Variants in SORCS2 observed in about 807,000 individuals in gnomAD.
SORCS2 encodes the protein VPS10 domain-containing receptor SorCS2.
In SORCS2, 100 loss-of-function variants were observed where a neutral mutation model predicts 141.6. That is an observed-to-expected ratio of 0.71 (90% CI 0.60 to 0.83). SORCS2 has a LOEUF of 0.83. Among genes scored for constraint, SORCS2 ranks in the 40% least tolerant of loss-of-function variants. SORCS2 has a pLI of 0.00. For missense variants in SORCS2, 1,646 were observed against 1,560.2 expected (o/e 1.05, Z -0.93); for synonymous variants, 789 against 676.9 (o/e 1.17, Z -2.57).
intron 19 of SORCS2, 95 bp downstream of exon 19, chr4:7,723,978 T>A: frequency 7.2e-7 from 1 of 1,391,382 alleles, no homozygotes; most frequent in Non-Finnish European, 9.5e-7. Context: ...GGGATTGCTC[T>A]AGGCCCCTGG....
chr4:7,403,261 T>C (rs1470124996), intron 2 of SORCS2, among the ~76,000 whole-genome samples: 1 of 152,210 alleles, frequency 6.6e-6, no homozygotes, highest in Non-Finnish European at 1.5e-5. Flanking sequence ...TGTTGGCTGA[T>C]GGGCTTGGGT....
chr4:7,595,936 T>C (rs1427857457), intron 3 of SORCS2, among the ~76,000 whole-genome samples: 1 of 152,164 alleles, frequency 6.6e-6, no homozygotes, highest in Non-Finnish European at 1.5e-5. Flanking sequence ...CCTGGCCCCA[T>C]GGGGAATGGG....
Position 7,193,552 on chromosome 4 carries a change from C to T in SORCS2, c.480+426C>T, listed in dbSNP as rs1209354121. On this transcript the variant is annotated intron_variant, in intron 1 of 26. Coordinates refer to ENST00000507866, the MANE Select transcript of SORCS2 (RefSeq NM_020777.3). This position sits in a 1 kb window ranked among gnomAD's most constrained non-coding sequence, Gnocchi z 4.8. ...GGATTTTGGGCTCCGGGATCCTTCC[C>T]TCCCTGGTCTACCAGGGACTCCGCG... Among the ~76,000 whole-genome samples the T allele has an allele frequency of 1.3e-5, 2 of 152,184 alleles. No homozygotes were observed. The highest frequency in any genetic ancestry group is 2.4e-5 in the African/African-American group (1 of 41,456).
chr4:7,552,154 G>T (rs1713758642), intron 3 of SORCS2, among the ~76,000 whole-genome samples: 2 of 152,150 alleles, frequency 1.3e-5, no homozygotes, highest in Admixed American at 1.3e-4. Flanking sequence ...ACAAAATGTG[G>T]CTCCCTCCCT....
chr4:7,328,538 C>T (rs952995675), intron 1 of SORCS2, among the ~76,000 whole-genome samples: 2 of 152,178 alleles, frequency 1.3e-5, no homozygotes, highest in Admixed American at 6.5e-5. Flanking sequence ...TGCCCAGGTA[C>T]AAGCCCCAGG....
At chr4:7,398,182 T>A (rs1244173720) in intron 2 of SORCS2, among the ~76,000 whole-genome samples, 1 of 152,232 alleles carries the variant, frequency 6.6e-6, no homozygotes, top group East Asian at 1.9e-4. Context: ...TGGGACTGAC[T>A]GTGTCTGGCC....
chr4:7,224,202 AGGGCTGAGCCCCAGG>A (rs569313801), intron 1 of SORCS2, among the ~76,000 whole-genome samples: 64 of 152,296 alleles, frequency 4.2e-4, no homozygotes, highest in African/African-American at 1.5e-3. Context: ...GGAACCTTGC[AGGGCTGAGCCCCAGG>A]GGGCTGAGCC....
At chr4:7,388,397 G>A (rs1389237948) in intron 1 of SORCS2, among the ~76,000 whole-genome samples, 1 of 152,168 alleles carries the variant, frequency 6.6e-6, no homozygotes, top group African/African-American at 2.4e-5. Context: ...CGCCCGATGG[G>A]GGAGGGGAAA....
intron 2 of SORCS2, among the ~76,000 whole-genome samples, chr4:7,466,317 G>A (rs903716231): frequency 6.6e-6 from 1 of 152,152 alleles, no homozygotes; most frequent in African/African-American, 2.4e-5. Flanking sequence ...AGGAGAGGCT[G>A]GCGGGATTCC....
intron 2 of SORCS2, among the ~76,000 whole-genome samples, chr4:7,458,346 C>T (rs560737129): frequency 1.1e-3 from 163 of 152,162 alleles, no homozygotes; most frequent in African/African-American, 2.8e-3. Context: ...TGTGCCTCAG[C>T]GGAGCAGGGC....
intron 3 of SORCS2, among the ~76,000 whole-genome samples, chr4:7,623,792 C>G (rs1487773817): frequency 6.6e-6 from 1 of 152,222 alleles, no homozygotes; most frequent in African/African-American, 2.4e-5. Flanking sequence ...GTTCACTAGA[C>G]TGTGTGCTCC....
chr4:7,638,393 C>T lies in SORCS2; in HGVS notation c.714C>T (p.Gly238=), dbSNP rs567595853. 166 of 1,580,858 alleles carry T rather than the reference C, an allele frequency of 1.1e-4. No individual in the cohort carries two copies. Among genetic ancestry groups the T allele is most frequent in the Admixed American group, 4.8e-4 (26 of 54,074 alleles). ...GCCTATTCCTCAGCGCAGACGAAGG[C>T]GCCACCTTTCAGAAGCAGCCCATTC... ...DQSLFLSADE[G]ATFQKQPIPF... is the part of the protein sequence containing the mutation. The change falls in exon 4 of 27, where the codon GGC becomes GGT. Residue 238 remains glycine, a synonymous_variant. Coordinates refer to ENST00000507866, the MANE Select transcript of SORCS2 (RefSeq NM_020777.3).
chr4:7,535,870 C>G (rs150199264), intron 3 of SORCS2, among the ~76,000 whole-genome samples: 1 of 152,244 alleles, frequency 6.6e-6, no homozygotes, highest in Non-Finnish European at 1.5e-5. Flanking sequence ...CCCTCAGGCC[C>G]GGGTCAGGCT....
chr4:7,261,602 C>A (rs1467737212), intron 1 of SORCS2, among the ~76,000 whole-genome samples: 1 of 152,240 alleles, frequency 6.6e-6, no homozygotes, highest in African/African-American at 2.4e-5. Context: ...GAATGATCAG[C>A]TGTACATATC....
At chr4:7,481,555 A>G (rs1402265953) in intron 2 of SORCS2, among the ~76,000 whole-genome samples, 1 of 151,906 alleles carries the variant, frequency 6.6e-6, no homozygotes, top group Non-Finnish European at 1.5e-5. Flanking sequence ...GCCGAGAGGG[A>G]TGGTCCTGAA....
chr4:7,636,444 G>C (rs1720264733), intron 3 of SORCS2, among the ~76,000 whole-genome samples: 1 of 152,146 alleles, frequency 6.6e-6, no homozygotes, highest in Non-Finnish European at 1.5e-5. Context: ...GATCGGAGCG[G>C]GGGGTGCACA....
At position 7,193,040 on chromosome 4, in the gene SORCS2, G is replaced by T; in HGVS notation, c.394G>T (p.Val132Phe). 1 of 1,525,802 alleles carries T rather than the reference G, an allele frequency of 6.6e-7. No homozygotes were observed. The highest frequency in any genetic ancestry group is 8.7e-7 in the Non-Finnish European group (1 of 1,147,176). 94.5% of individuals were successfully genotyped at this position (1,525,802 alleles called of 1,614,324 possible). A position where few individuals can be genotyped will look rare whatever the true frequency, so the allele number is the denominator to read the frequency against. Residue 132 changes from valine (V) to phenylalanine (F), a missense_variant, in exon 1 of 27, where the codon GTC (valine) becomes TTC (phenylalanine). Coordinates refer to ENST00000507866, the MANE Select transcript of SORCS2 (RefSeq NM_020777.3). This position sits in a 1 kb window ranked among gnomAD's most constrained non-coding sequence, Gnocchi z 4.8. ...PLAGVASRAQ[V>F]SLISTSFVLK... ...GGCCGGAGTGGCTTCGCGGGCGCAG[G>T]TCTCGCTCATCAGCACGTCGTTCGT...
At chr4:7,573,390 C>G (rs1308033384) in intron 3 of SORCS2, among the ~76,000 whole-genome samples, 1 of 152,152 alleles carries the variant, frequency 6.6e-6, no homozygotes, top group East Asian at 1.9e-4. Flanking sequence ...TGCAGGTAGA[C>G]GGTGCCAATG....
intron 2 of SORCS2, among the ~76,000 whole-genome samples, chr4:7,471,911 C>T (rs1474557961): frequency 6.6e-6 from 1 of 152,268 alleles, no homozygotes; most frequent in Non-Finnish European, 1.5e-5. Context: ...AGTCATAGCA[C>T]TGCCCCCAGC....
Sources: allele counts gnomAD v4.1 joint callset (sites outside exome capture counted in the v4.1 genomes callset), GRCh38; gene constraint gnomAD v4.1.1; non-coding constraint Gnocchi (gnomAD v3.1); transcripts MANE v1.5; gene names NCBI Gene and HGNC (gene_info 2026-07-23, HGNC 2026-07-21).